Variants in CTDP1 observed in about 807,000 individuals in gnomAD.
The protein encoded by CTDP1 is CTD phosphatase 1, also known as RNA polymerase II subunit A C-terminal domain phosphatase.
Under a neutral mutation model 91.8 loss-of-function variants are expected in CTDP1, and 47 were observed. That is an observed-to-expected ratio of 0.51 (90% CI 0.41 to 0.65). CTDP1 has a LOEUF of 0.65. Ranked by LOEUF, CTDP1 falls within the 30% of genes least tolerant of loss-of-function variation. The pLI, the probability that CTDP1 is intolerant of heterozygous loss-of-function variation, is 0.00. For synonymous variants in CTDP1, 656 were observed against 598.5 expected, an observed-to-expected ratio of 1.10 and a Z score of -1.40; for missense variants, 1,272 against 1,373.7, an observed-to-expected ratio of 0.93 and a Z score of 1.17.
intron 11 of CTDP1, among the ~76,000 whole-genome samples, chr18:79,735,379 C>T (rs1008059980): frequency 9.2e-5 from 14 of 152,240 alleles, no homozygotes; most frequent in African/African-American, 2.4e-4. Context: ...GCTGTGCCGT[C>T]GCACACAGAC....
intron 12 of CTDP1, among the ~76,000 whole-genome samples, chr18:79,740,929 C>T (rs568863482): frequency 1.9e-4 from 29 of 152,286 alleles, no homozygotes; most frequent in East Asian, 3.9e-4. Flanking sequence ...TTCCAGGTAC[C>T]GAAAAGAACA....
At chr18:79,684,274 G>A (rs1354225327) in intron 1 of CTDP1, among the ~76,000 whole-genome samples, 3 of 152,270 alleles carry the variant, frequency 2.0e-5, no homozygotes, top group Admixed American at 6.5e-5. Context: ...GCTCCAGAGC[G>A]TAGATTAGAA....
intron 1 of CTDP1, among the ~76,000 whole-genome samples, chr18:79,692,646 G>C (rs1192967311): frequency 6.6e-6 from 1 of 152,050 alleles, no homozygotes; most frequent in African/African-American, 2.4e-5. Flanking sequence ...AGGAGCCCGC[G>C]GTGAGCTGGT....
intron 1 of CTDP1, 108 bp downstream of exon 1, chr18:79,680,369 G>A (rs2085335393): frequency 2.2e-6 from 2 of 920,404 alleles, no homozygotes; most frequent in African/African-American, 1.7e-5. Flanking sequence ...CCCTGGTGAG[G>A]GAGCGATAAA....
At chr18:79,694,128 G>A (rs907844824) in intron 1 of CTDP1, among the ~76,000 whole-genome samples, 5 of 151,860 alleles carry the variant, frequency 3.3e-5, no homozygotes, top group Admixed American at 1.3e-4. Context: ...GGTCAGGGTG[G>A]TCGGAGCAGC....
downstream of CTDP1, chr18:79,754,973 C>T (rs1326886309): frequency 1.3e-5 from 2 of 152,326 alleles, no homozygotes; most frequent in Non-Finnish European, 2.9e-5. Flanking sequence ...CCTCCCCTGA[C>T]CACAGCTCGG....
At chr18:79,742,177 A>T (rs2086793594) in intron 12 of CTDP1, among the ~76,000 whole-genome samples, 1 of 87,588 alleles carries the variant, frequency 1.1e-5, no homozygotes. Flanking sequence ...GGAAGCATGA[A>T]GCATGAGAGA....
intron 10 of CTDP1, among the ~76,000 whole-genome samples, chr18:79,726,196 T>C (rs1316788422): frequency 6.6e-6 from 1 of 152,268 alleles, no homozygotes; most frequent in Admixed American, 6.5e-5. Context: ...TCGTTTTCTC[T>C]GTTGTCCAGG....
intron 10 of CTDP1, among the ~76,000 whole-genome samples, chr18:79,722,999 G>A (rs670682): frequency 0.24 from 36,999 of 152,044 alleles, 4,708 homozygotes; most frequent in Middle Eastern, 0.34. Context: ...TTCATGTGGC[G>A]CCTGCCCAGT....
chr18:79,753,143 C>G (rs973284472), intron 12 of CTDP1, among the ~76,000 whole-genome samples: 2 of 151,734 alleles, frequency 1.3e-5, no homozygotes, highest in African/African-American at 4.8e-5. Context: ...TGCAGAGGCT[C>G]GTAAGGAAAG....
chr18:79,701,139 C>CCAGCATGAA (rs2085847918), intron 4 of CTDP1, among the ~76,000 whole-genome samples: 2 of 152,202 alleles, frequency 1.3e-5, no homozygotes, highest in South Asian at 4.1e-4. Flanking sequence ...ATGTTGTTTT[C>CCAGCATGAA]ATGCTGCTGA....
chr18:79,722,467 A>C (rs150605175), intron 10 of CTDP1, among the ~76,000 whole-genome samples: 137 of 152,264 alleles, frequency 9.0e-4, no homozygotes, highest in African/African-American at 3.2e-3. Flanking sequence ...CAAAATATCA[A>C]TATTACTTCA....
At chr18:79,709,208 A>G (rs111903498) in intron 5 of CTDP1, among the ~76,000 whole-genome samples, 40 of 152,318 alleles carry the variant, frequency 2.6e-4, no homozygotes, top group Non-Finnish European at 4.4e-4. Flanking sequence ...TAGTACCCCT[A>G]CTTCTACAAA....
intron 4 of CTDP1, among the ~76,000 whole-genome samples, chr18:79,701,560 A>G (rs1266455638): frequency 6.6e-6 from 1 of 151,030 alleles, no homozygotes; most frequent in Non-Finnish European, 1.5e-5. Context: ...TAAATAAATA[A>G]ATAAATAAAT....
chr18:79,722,070 T>A (rs1194929704), intron 10 of CTDP1, among the ~76,000 whole-genome samples: 1 of 152,218 alleles, frequency 6.6e-6, no homozygotes, highest in Admixed American at 6.5e-5. Context: ...TGTCTTAAAC[T>A]ACATAAAGTG....
chr18:79,706,623 C>T (rs552755552), intron 5 of CTDP1, among the ~76,000 whole-genome samples: 20 of 152,190 alleles, frequency 1.3e-4, no homozygotes, highest in African/African-American at 4.6e-4. Flanking sequence ...ACATACCGTT[C>T]TTTTCACATA....
chr18:79,717,545 G>A lies in CTDP1; in HGVS notation c.2079G>A (p.Lys693=). ...HLIAARAGTE[K]VLQAQECGHL... is the part of the protein sequence containing the mutation. ...CCGGGTCTCCTGCAGGCACAGAGAA[G>A]GTGCTGCAGGCACAGGAGTGCGGAC... Residue 693 remains lysine (K), a synonymous_variant, in exon 9 of 13, where the codon AAG becomes AAA. Coordinates refer to ENST00000613122, the MANE Select transcript of CTDP1 (RefSeq NM_004715.5). 6.2e-7 allele frequency: 1 copy of A among 1,613,266 alleles called. No individual in the cohort carries two copies. Among genetic ancestry groups the A allele is most frequent in the Middle Eastern group, 1.7e-4 (1 of 5,784 alleles).
intron 1 of CTDP1, among the ~76,000 whole-genome samples, chr18:79,691,580 TG>T (rs60678172): frequency 6.4e-3 from 2 of 314 alleles, no homozygotes; most frequent in East Asian, 0.071. Context: ...GGACTCGGGG[TG>T]GGGGAGGAGT....
chr18:79,724,973 G>T (rs1290957650), intron 10 of CTDP1, among the ~76,000 whole-genome samples: 20 of 152,198 alleles, frequency 1.3e-4, no homozygotes, highest in Non-Finnish European at 2.9e-4. Flanking sequence ...AGATGCCCTT[G>T]ATCAAGTTGG....
Sources: gnomAD v4.1 joint callset for allele counts (sites outside exome capture counted in the v4.1 genomes callset) on GRCh38, gnomAD v4.1.1 for gene constraint, MANE v1.5 for transcripts, NCBI Gene and HGNC (gene_info 2026-07-23, HGNC 2026-07-21) for gene names.